Variants in SLC2A9 observed in about 807,000 individuals in gnomAD.
SLC2A9 encodes solute carrier family 2, facilitated glucose transporter member 9.
In SLC2A9, 39 loss-of-function variants were observed where a neutral mutation model predicts 50.6. The observed-to-expected ratio is 0.77, with a 90% CI of 0.60 to 1.01. The LOEUF (loss-of-function observed/expected upper bound fraction) is 1.01, where lower values mean the gene tolerates loss of function less well. Among genes scored for constraint, SLC2A9 ranks in the 50% least tolerant of loss-of-function variants. The pLI is 0.00. For missense variants in SLC2A9, 686 were observed against 677.6 expected, an observed-to-expected ratio of 1.01 and a Z score of -0.14; for synonymous variants, 324 against 276.9, an observed-to-expected ratio of 1.17 and a Z score of -1.69.
At chr4:9,961,138 C>T (rs1424878771) in intron 5 of SLC2A9, among the ~76,000 whole-genome samples, 1 of 152,100 alleles carries the variant, frequency 6.6e-6, no homozygotes, top group African/African-American at 2.4e-5. Context: ...GAATTCAAAC[C>T]TTTAACTTCC....
chr4:9,908,460 G>A (rs1741096560), intron 7 of SLC2A9, 115 bp from the exon 8 acceptor site: 9 of 711,588 alleles, frequency 1.3e-5, no homozygotes, highest in East Asian at 2.7e-5. Flanking sequence ...GTCCCAAGGT[G>A]GAGAGGCGTG....
chr4:9,801,395 G>C (rs1721384055), intron 3 of SLC2A9, among the ~76,000 whole-genome samples: 1 of 152,186 alleles, frequency 6.6e-6, no homozygotes, highest in African/African-American at 2.4e-5. Context: ...CGCTAACTGA[G>C]GATAATTATA....
chr4:9,940,848 A>G (rs920746796), intron 6 of SLC2A9, among the ~76,000 whole-genome samples: 1 of 152,264 alleles, frequency 6.6e-6, no homozygotes, highest in African/African-American at 2.4e-5. Flanking sequence ...AATTGTATAT[A>G]TAATTCTCAA....
At chr4:10,039,553 C>T (rs1004591787) in intron 1 of SLC2A9, among the ~76,000 whole-genome samples, 2 of 152,310 alleles carry the variant, frequency 1.3e-5, no homozygotes, top group Admixed American at 1.3e-4. Context: ...GCCTAAATAA[C>T]TTGCCTCATC....
At chr4:9,944,002 C>G (rs1748663773) in intron 5 of SLC2A9, among the ~76,000 whole-genome samples, 1 of 152,242 alleles carries the variant, frequency 6.6e-6, no homozygotes, top group South Asian at 2.1e-4. Flanking sequence ...AGGTGGAAAT[C>G]AAGCCTAATA....
chr4:9,867,331 C>T (rs145816141), intron 10 of SLC2A9, among the ~76,000 whole-genome samples: 61 of 152,360 alleles, frequency 4.0e-4, no homozygotes, highest in African/African-American at 1.2e-3. Context: ...CCTGCACTCT[C>T]TGCAGCCATG....
At chr4:9,828,663 T>C (rs757169019) in intron 11 of SLC2A9, among the ~76,000 whole-genome samples, 5 of 152,230 alleles carry the variant, frequency 3.3e-5, no homozygotes, top group Non-Finnish European at 7.3e-5. Context: ...CCTCTGTATA[T>C]CCTGCTTTCT....
intron 10 of SLC2A9, among the ~76,000 whole-genome samples, chr4:9,871,746 A>G (rs73225810): frequency 0.12 from 18,809 of 152,246 alleles, 1,378 homozygotes; most frequent in African/African-American, 0.18. Context: ...TACAGTAGCT[A>G]AGAGCACAAA....
chr4:10,007,506 CA>C (rs1253158842), intron 2 of SLC2A9, among the ~76,000 whole-genome samples: 2 of 152,194 alleles, frequency 1.3e-5, no homozygotes, highest in African/African-American at 4.8e-5. Context: ...AGGGGGCAGC[CA>C]AATGCTTGGG....
At chr4:9,831,146 A>T (rs1024068932) in intron 11 of SLC2A9, among the ~76,000 whole-genome samples, 3 of 152,012 alleles carry the variant, frequency 2.0e-5, no homozygotes, top group Admixed American at 1.3e-4. Context: ...ACTGATACTT[A>T]TTGGAATAAG....
chr4:9,797,259 T>C (rs146328952), downstream of SLC2A9, among the ~76,000 whole-genome samples: 67 of 152,306 alleles, frequency 4.4e-4, 1 homozygote, highest in East Asian at 0.013. Context: ...AATTTCCCTG[T>C]AACCCCAGTA....
chr4:9,818,821 T>C lies in SLC2A9; in HGVS notation n.420+7599A>G, dbSNP rs7657116. Among the ~76,000 whole-genome samples, 847 of 152,172 alleles carry C rather than the reference T, an allele frequency of 5.6e-3. 10 individuals are homozygous for C. Among genetic ancestry groups the C allele is most frequent in the African/African-American group, 0.02 (811 of 41,540 alleles). ...TGAGTGTGTGTGGGATGGGGGCAGG[T>C]GAAAAGTATACAGGTCTTGGGCTGG... On this transcript the variant is annotated intron_variant and non_coding_transcript_variant, in intron 3 of 3. Coordinates refer to the SLC2A9 transcript ENST00000503280.
intron 6 of SLC2A9, among the ~76,000 whole-genome samples, chr4:9,925,937 C>T (rs1345765601): frequency 1.3e-5 from 2 of 152,178 alleles, no homozygotes; most frequent in African/African-American, 4.8e-5. Flanking sequence ...CCATGGTCCT[C>T]AGACACCTTC....
At chr4:10,032,648 G>A (rs1373476721) in intron 1 of SLC2A9, among the ~76,000 whole-genome samples, 2 of 152,238 alleles carry the variant, frequency 1.3e-5, no homozygotes, top group East Asian at 3.9e-4. Context: ...CTAATCCAAG[G>A]ATCACAGGAG....
intron 2 of SLC2A9, among the ~76,000 whole-genome samples, chr4:10,004,890 T>A (rs972031195): frequency 6.6e-6 from 1 of 152,236 alleles, no homozygotes; most frequent in African/African-American, 2.4e-5. Flanking sequence ...AAAAATTTGC[T>A]TTAAGATCAC....
At chr4:9,906,616 T>C (rs558193937) in intron 8 of SLC2A9, among the ~76,000 whole-genome samples, 87 of 152,344 alleles carry the variant, frequency 5.7e-4, no homozygotes, top group African/African-American at 2.0e-3. Flanking sequence ...GTAGTATGAT[T>C]GTAGGTAATT....
intron 2 of SLC2A9, among the ~76,000 whole-genome samples, chr4:10,016,021 G>A (rs921293052): frequency 2.6e-5 from 4 of 152,160 alleles, no homozygotes; most frequent in African/African-American, 9.7e-5. Context: ...CTCAGTCCTG[G>A]ACTCAAGGCC....
At chr4:9,913,366 A>G (rs1440345860) in intron 7 of SLC2A9, among the ~76,000 whole-genome samples, 2 of 152,016 alleles carry the variant, frequency 1.3e-5, no homozygotes, top group East Asian at 3.9e-4. Flanking sequence ...ACAGAGAGAG[A>G]GAGAAACAGA....
intron 11 of SLC2A9, among the ~76,000 whole-genome samples, chr4:9,829,484 AAAG>A (rs1442283017): frequency 3.3e-5 from 5 of 151,594 alleles, no homozygotes; most frequent in East Asian, 1.9e-4. Context: ...AAAAAAAAAA[AAAG>A]AAGAGCAACA....
Sources: gnomAD v4.1 joint callset for allele counts (sites outside exome capture counted in the v4.1 genomes callset) on GRCh38, gnomAD v4.1.1 for gene constraint, MANE v1.5 for transcripts, NCBI Gene and HGNC (gene_info 2026-07-23, HGNC 2026-07-21) for gene names.